The following STPG2 variants were observed in gnomAD, a reference collection of about 807,000 sequenced individuals.
The protein encoded by STPG2 is sperm tail PG-rich repeat containing 2.
In STPG2, 56 loss-of-function variants were observed where a neutral mutation model predicts 54.2. The observed-to-expected ratio is 1.03, with a 90% CI of 0.83 to 1.29. The LOEUF (loss-of-function observed/expected upper bound fraction) is 1.29, where lower values mean the gene tolerates loss of function less well. Ranked by LOEUF, STPG2 falls within the 50% of genes most tolerant of loss-of-function variation. The pLI, the probability that STPG2 is intolerant of heterozygous loss-of-function variation, is 0.00. For synonymous variants in STPG2, 200 were observed against 181.8 expected (o/e 1.10, Z -0.81); for missense variants, 596 against 544.9 (o/e 1.09, Z -0.93).
chr4:97,914,515 A>T (rs1731801768), intron 8 of STPG2, among the ~76,000 whole-genome samples: 1 of 152,142 alleles, frequency 6.6e-6, no homozygotes. Context: ...TTGTTGCATA[A>T]CCATAACCAC....
chr4:97,886,488 C>T (rs1295051860), intron 8 of STPG2, among the ~76,000 whole-genome samples: 1 of 152,094 alleles, frequency 6.6e-6, no homozygotes, highest in African/African-American at 2.4e-5. Flanking sequence ...TGAGCACTTT[C>T]AAAGAAATCT....
At chr4:97,553,951 A>G (rs1732022307), downstream of STPG2, among the ~76,000 whole-genome samples, 1 of 152,178 alleles carries the variant, frequency 6.6e-6, no homozygotes, top group Admixed American at 6.5e-5. Context: ...ACAGACAGAC[A>G]CTTTAATATA....
In STPG2 at chr4:97,715,245, T is replaced by C. The variant is rs1724250142; in HGVS notation, c.1205-2431A>G. On this transcript the variant is annotated intron_variant, in intron 9 of 10. Transcript: ENST00000295268. Reference sequence around the variant, plus strand: ...TCATCAGCTCTCATTCATAGCTAGATTATGCAGAAACTATCTTCTTTTTAG... The same window carrying C: ...TCATCAGCTCTCATTCATAGCTAGACTATGCAGAAACTATCTTCTTTTTAG... Among the ~76,000 whole-genome samples the C allele has an allele frequency of 2.6e-5, 4 of 152,218 alleles. No homozygotes were observed. The South Asian group carries it at 8.3e-4, about 31-fold the overall frequency.
intron 9 of STPG2, among the ~76,000 whole-genome samples, chr4:97,793,862 A>C (rs1165301985): frequency 6.6e-6 from 1 of 152,078 alleles, no homozygotes; most frequent in Non-Finnish European, 1.5e-5. Context: ...AAACAGGTGA[A>C]ATAGGGGTGG....
intron 8 of STPG2, among the ~76,000 whole-genome samples, chr4:97,918,092 G>A (rs1731953485): frequency 6.6e-6 from 1 of 151,998 alleles, no homozygotes; most frequent in Non-Finnish European, 1.5e-5. Context: ...TAAATCTCAT[G>A]GCAAATGTTC....
At chr4:97,543,271 T>C (rs1578376593) in intron 4 of STPG2, among the ~76,000 whole-genome samples, 1 of 151,662 alleles carries the variant, frequency 6.6e-6, no homozygotes, top group South Asian at 2.1e-4. Flanking sequence ...GGCAGAAACA[T>C]GGGGAAAAAA....
At chr4:97,570,532 T>C (rs1732572431) in intron 10 of STPG2, among the ~76,000 whole-genome samples, 1 of 151,858 alleles carries the variant, frequency 6.6e-6, no homozygotes, top group Non-Finnish European at 1.5e-5. Context: ...TGGCCCACTC[T>C]AGGTATTCTA....
intron 8 of STPG2, among the ~76,000 whole-genome samples, chr4:97,932,943 ACT>A (rs1480453529): frequency 6.6e-6 from 1 of 152,204 alleles, no homozygotes; most frequent in Non-Finnish European, 1.5e-5. Context: ...GAATCGCCAC[ACT>A]GTCTTCCACA....
intron 3 of STPG2, among the ~76,000 whole-genome samples, chr4:98,114,155 T>G (rs1387363847): frequency 1.3e-5 from 2 of 152,210 alleles, no homozygotes; most frequent in Middle Eastern, 3.4e-3. Flanking sequence ...TTTCTCTTGC[T>G]AAAGTAAGTG....
chr4:98,105,267 C>G (rs554738030), intron 5 of STPG2, among the ~76,000 whole-genome samples: 1 of 152,138 alleles, frequency 6.6e-6, no homozygotes, highest in Admixed American at 6.6e-5. Flanking sequence ...CCTTTAAATT[C>G]GGTTAAAGTT....
At chr4:97,611,067 A>G (rs1302678318) in intron 10 of STPG2, among the ~76,000 whole-genome samples, 1 of 152,076 alleles carries the variant, frequency 6.6e-6, no homozygotes, top group Non-Finnish European at 1.5e-5. Flanking sequence ...AACATTTATG[A>G]AGAATTTTTT....
intron 9 of STPG2, among the ~76,000 whole-genome samples, chr4:97,816,149 T>C (rs1350447675): frequency 6.6e-6 from 1 of 152,244 alleles, no homozygotes; most frequent in East Asian, 1.9e-4. Context: ...TCAGTTCATG[T>C]GTTAGTTTGC....
intron 7 of STPG2, among the ~76,000 whole-genome samples, chr4:97,971,944 T>A (rs1734341459): frequency 6.6e-6 from 1 of 152,226 alleles, no homozygotes; most frequent in Non-Finnish European, 1.5e-5. Context: ...TTCTCTATAT[T>A]AAGCATCTTC....
chr4:97,808,001 ATATTT>A (rs1203406209), intron 9 of STPG2, among the ~76,000 whole-genome samples: 4 of 152,056 alleles, frequency 2.6e-5, no homozygotes, highest in African/African-American at 7.2e-5. Context: ...ATATAATTGA[ATATTT>A]TAAAGTGCTG....
At chr4:97,834,577 C>T (rs1384824938) in intron 9 of STPG2, among the ~76,000 whole-genome samples, 4 of 151,766 alleles carry the variant, frequency 2.6e-5, no homozygotes, top group Non-Finnish European at 2.9e-5. Flanking sequence ...GCAAATTGGT[C>T]GTACTATGAT....
intron 4 of STPG2, among the ~76,000 whole-genome samples, chr4:98,108,341 T>A (rs142374523): frequency 1.2e-3 from 181 of 152,226 alleles, no homozygotes; most frequent in African/African-American, 4.2e-3. Flanking sequence ...CCTTAAAAAA[T>A]TAATTATAAG....
chr4:97,919,465 G>T (rs1054482265), intron 8 of STPG2, among the ~76,000 whole-genome samples: 1 of 150,172 alleles, frequency 6.7e-6, no homozygotes, highest in Non-Finnish European at 1.5e-5. Context: ...AAGAAAATAC[G>T]AATCACCAAC....
chr4:97,585,116 A>AAC (rs1553940205), intron 10 of STPG2, among the ~76,000 whole-genome samples: 4 of 148,284 alleles, frequency 2.7e-5, no homozygotes, highest in African/African-American at 1.0e-4. Flanking sequence ...AAAAAAAAAA[A>AAC]AAAAAAAACA....
chr4:97,579,409 T>C (rs1732807842), intron 10 of STPG2, among the ~76,000 whole-genome samples: 1 of 152,078 alleles, frequency 6.6e-6, no homozygotes, highest in Non-Finnish European at 1.5e-5. Context: ...AATCTCAAAA[T>C]TTGAAATATA....
Sources: allele counts gnomAD v4.1 joint callset (sites outside exome capture counted in the v4.1 genomes callset), GRCh38; gene constraint gnomAD v4.1.1; transcripts MANE v1.5; gene names NCBI Gene and HGNC (gene_info 2026-07-23, HGNC 2026-07-21).